UPF3B: variants seen among roughly 807,000 people sequenced by gnomAD.
The protein encoded by UPF3B is regulator of nonsense transcripts 3B.
Under a neutral mutation model 40.3 loss-of-function variants are expected in UPF3B, and 7 were observed. The ratio of observed to expected loss-of-function variants is 0.17; its 90% CI spans 0.10 to 0.33. The LOEUF (loss-of-function observed/expected upper bound fraction) is 0.33, where lower values mean the gene tolerates loss of function less well. Ranked by LOEUF, UPF3B falls within the 10% of genes least tolerant of loss-of-function variation. The pLI is 1.00. For missense variants in UPF3B, 229 were observed against 358.9 expected (o/e 0.64, Z 2.93); for synonymous variants, 117 against 117.3 (o/e 1.00, Z 0.01).
intron 4 of UPF3B, among the ~76,000 whole-genome samples, chrX:119,822,223 T>C (rs1332808661): frequency 1.8e-5 from 2 of 113,020 alleles, no homozygotes; most frequent in African/African-American, 6.4e-5. Context: ...TATCCTTCCC[T>C]GTACTTATAG....
chrX:119,829,207 A>T, downstream of UPF3B, among the ~76,000 whole-genome samples: 1 of 111,768 alleles, frequency 8.9e-6, no homozygotes, highest in Non-Finnish European at 1.9e-5. Context: ...TTTTTAGTAG[A>T]GATGGGCTTT....
At chrX:119,813,580 G>A (rs1048910861) in intron 5 of UPF3B, among the ~76,000 whole-genome samples, 1 of 56,478 alleles carries the variant, frequency 1.8e-5, no homozygotes, top group Non-Finnish European at 3.4e-5. Flanking sequence ...TTTTTTTTTT[G>A]AGATGGAGTC....
chrX:119,848,997 A>T (rs752486003), intron 3 of UPF3B, among the ~76,000 whole-genome samples: 15 of 112,144 alleles, frequency 1.3e-4, no homozygotes, highest in Non-Finnish European at 2.8e-4. Flanking sequence ...CAAAAACCCC[A>T]AGTGACTAAT....
chrX:119,852,963 C>G lies in UPF3B; in HGVS notation c.-35G>C. On this transcript the variant is annotated 5_prime_UTR_variant, in exon 1 of 11. Coordinates refer to ENST00000276201, the MANE Select transcript of UPF3B (RefSeq NM_080632.3). ...CCCCGCTGAAGCGGCTTGGCCGGAA[C>G]GGGGTTACCCCGGGCACAAACGGCT... 8.3e-7 allele frequency: 1 copy of G among 1,211,412 alleles called. No homozygotes were observed. Among genetic ancestry groups the G allele is most frequent in the Non-Finnish European group, 1.1e-6 (1 of 895,163 alleles).
chrX:119,827,598 T>C (rs2055991690), intron 3 of UPF3B, among the ~76,000 whole-genome samples: 1 of 111,781 alleles, frequency 8.9e-6, no homozygotes, highest in East Asian at 2.8e-4. Context: ...GGTTTCACCA[T>C]GTTGGCCAGG....
intron 4 of UPF3B, among the ~76,000 whole-genome samples, chrX:119,815,587 C>T (rs1968473699): frequency 9.0e-6 from 1 of 111,624 alleles, no homozygotes; most frequent in Admixed American, 9.6e-5. Flanking sequence ...GGCAAGATTG[C>T]AGCTCACAAC....
intron 4 of UPF3B, 25 bp from the exon 5 acceptor site, chrX:119,843,326 A>G: frequency 1.0e-6 from 1 of 980,748 alleles, no homozygotes; most frequent in Non-Finnish European, 1.5e-6. Flanking sequence ...GAGGAAACAG[A>G]AAATATAATA....
At chrX:119,816,001 C>G in intron 4 of UPF3B, among the ~76,000 whole-genome samples, 1 of 111,441 alleles carries the variant, frequency 9.0e-6, no homozygotes, top group East Asian at 2.8e-4. Context: ...AGGTTCATCT[C>G]CAACTGCTGA....
chrX:119,836,807 C>T (rs958258918), intron 10 of UPF3B, among the ~76,000 whole-genome samples: 2 of 108,555 alleles, frequency 1.8e-5, no homozygotes, highest in Non-Finnish European at 3.8e-5. Context: ...CCCGCCACCA[C>T]GCCTGGCTAA....
intron 4 of UPF3B, among the ~76,000 whole-genome samples, chrX:119,821,378 A>T (rs1268188596): frequency 2.7e-5 from 3 of 113,184 alleles, no homozygotes; most frequent in African/African-American, 9.6e-5. Context: ...ACAGGAGTGA[A>T]CCATGAACTG....
chrX:119,846,400 C>T (rs1161613150), intron 3 of UPF3B, among the ~76,000 whole-genome samples: 13 of 106,023 alleles, frequency 1.2e-4, no homozygotes, highest in East Asian at 1.2e-3. Flanking sequence ...TGATAGTGCA[C>T]GCCTGTAATC....
intron 4 of UPF3B, among the ~76,000 whole-genome samples, chrX:119,816,300 A>G (rs2055864765): frequency 9.0e-6 from 1 of 111,354 alleles, no homozygotes; most frequent in African/African-American, 3.3e-5. Flanking sequence ...CTCCAGCGAC[A>G]CTTGCAGCTT....
chrX:119,846,821 T>A (rs2056240549), intron 3 of UPF3B, among the ~76,000 whole-genome samples: 1 of 111,590 alleles, frequency 9.0e-6, no homozygotes, highest in East Asian at 2.8e-4. Context: ...AAAGACACAA[T>A]CAACAGAGTG....
chrX:119,842,605 T>TACACACACACAC (rs543555558), intron 5 of UPF3B, among the ~76,000 whole-genome samples: 2,495 of 91,287 alleles, frequency 0.027, 74 homozygotes, highest in African/African-American at 0.079. Context: ...CACACACACA[T>TACACACACACAC]ACACACACAC....
chrX:119,816,741 G>A (rs1304261137), intron 4 of UPF3B, among the ~76,000 whole-genome samples: 1 of 111,470 alleles, frequency 9.0e-6, no homozygotes, highest in African/African-American at 3.3e-5. Flanking sequence ...TACAGTATTC[G>A]TTGTCTCTTT....
At chrX:119,833,545 T>C (rs2147777802), downstream of UPF3B, among the ~76,000 whole-genome samples, 1 of 111,092 alleles carries the variant, frequency 9.0e-6, no homozygotes, top group South Asian at 3.7e-4. Flanking sequence ...CTTGCTCTGT[T>C]GCCCTGGCTG....
intron 3 of UPF3B, among the ~76,000 whole-genome samples, chrX:119,828,984 G>T (rs1029149974): frequency 1.8e-5 from 2 of 111,618 alleles, no homozygotes; most frequent in Non-Finnish European, 1.9e-5. Context: ...GCCTCCAAAA[G>T]TGCTGGGATT....
intron 2 of UPF3B, 23 bp from the exon 3 acceptor site, chrX:119,851,624 G>A: frequency 9.1e-7 from 1 of 1,100,977 alleles, no homozygotes; most frequent in Non-Finnish European, 1.3e-6. Context: ...AAGCAATTAT[G>A]TAAATGTACT....
At chrX:119,836,693 C>T (rs1370979563) in intron 10 of UPF3B, among the ~76,000 whole-genome samples, 5 of 107,089 alleles carry the variant, frequency 4.7e-5, no homozygotes, top group African/African-American at 1.4e-4. Context: ...CTCTGTTGCC[C>T]GTGCTGGAGT....
Sources: allele counts gnomAD v4.1 joint callset (sites outside exome capture counted in the v4.1 genomes callset), GRCh38; gene constraint gnomAD v4.1.1; transcripts MANE v1.5; gene names NCBI Gene and HGNC (gene_info 2026-07-23, HGNC 2026-07-21).